ADARB2: variants seen among roughly 807,000 people sequenced by gnomAD.
ADARB2 encodes adenosine deaminase RNA specific B2 (inactive), also known as inactive double-stranded RNA-specific editase B2.
In ADARB2, 25 loss-of-function variants were observed where a neutral mutation model predicts 62.2. The ratio of observed to expected loss-of-function variants is 0.40; its 90% CI spans 0.29 to 0.56. The LOEUF is 0.56. ADARB2 is among the 20% of genes least tolerant of loss of function. ADARB2 has a pLI of 0.43. For missense variants in ADARB2, 1,071 were observed against 1,077.4 expected (o/e 0.99, Z 0.08); for synonymous variants, 572 against 500.8 (o/e 1.14, Z -1.90).
At position 1,188,616 on chromosome 10, in the gene ADARB2, C is replaced by CTTT. The variant is rs11389648; in HGVS notation, c.1865-3580_1865-3578dup. On this transcript the variant is annotated intron_variant, in intron 8 of 9. Coordinates refer to ENST00000381312, the MANE Select transcript of ADARB2 (RefSeq NM_018702.4). ...TTTTTTTTTTCTTCTACCTTCTTGTCTTTTTTTTTTTTAATAAACCTTCCA... is the reference window on the plus strand; with the variant it reads ...TTTTTTTTTTCTTCTACCTTCTTGTCTTTTTTTTTTTTTTTAATAAACCTTCCA... Among the ~76,000 whole-genome samples the CTTT allele has an allele frequency of 1.8e-3, 259 of 142,418 alleles. 1 individual carries two copies. The highest frequency in any genetic ancestry group is 5.6e-3 in the African/African-American group (215 of 38,406). 93.4% of individuals were successfully genotyped at this position (142,418 alleles called of 152,430 possible).
chr10:1,559,464 C>T (rs748230023), intron 1 of ADARB2, among the ~76,000 whole-genome samples: 11 of 152,284 alleles, frequency 7.2e-5, no homozygotes, highest in Admixed American at 2.0e-4. Flanking sequence ...CCTGTGCCCC[C>T]GAGATAGGGG....
At chr10:1,424,407 A>C (rs1832877940) in intron 1 of ADARB2, among the ~76,000 whole-genome samples, 1 of 151,916 alleles carries the variant, frequency 6.6e-6, no homozygotes, top group South Asian at 2.1e-4. Flanking sequence ...GGCTCCAAAA[A>C]CCACGCGAGA....
At chr10:1,607,065 C>T (rs895740218) in intron 1 of ADARB2, among the ~76,000 whole-genome samples, 2 of 152,186 alleles carry the variant, frequency 1.3e-5, no homozygotes, top group South Asian at 2.1e-4. Flanking sequence ...GGACAGGTAA[C>T]AATATACACG....
intron 1 of ADARB2, among the ~76,000 whole-genome samples, chr10:1,722,290 T>C (rs1490101674): frequency 6.6e-6 from 1 of 152,230 alleles, no homozygotes; most frequent in Non-Finnish European, 1.5e-5. Context: ...GATTTATTTC[T>C]GTAATCTACT....
At chr10:1,444,276 T>C (rs55698893) in intron 1 of ADARB2, among the ~76,000 whole-genome samples, 30,872 of 122,964 alleles carry the variant, frequency 0.25, 3,978 homozygotes, top group East Asian at 0.44. Flanking sequence ...TATTTCCATC[T>C]ATCTACATCC....
rs138671049 is a variant in ADARB2 at position 1,694,695 on chromosome 10, G to A, written c.100+42356C>T. 6.2e-3 allele frequency among the ~76,000 whole-genome samples: 939 copies of A among 152,278 alleles called. 3 individuals are homozygous for A. Among genetic ancestry groups the A allele is most frequent in the African/African-American group, 9.2e-3 (382 of 41,550 alleles). ...ATTTTGAAATGAAACTAAAAGTAAG[G>A]TACATTTGGACAATTAGAGAAATAG... On this transcript the variant is annotated intron_variant, in intron 1 of 9. Transcript: ENST00000381312.
intron 3 of ADARB2, among the ~76,000 whole-genome samples, chr10:1,317,949 C>T (rs553295939): frequency 6.6e-6 from 1 of 152,176 alleles, no homozygotes; most frequent in Admixed American, 6.5e-5. Context: ...TTACTCGACC[C>T]TCCCTCAATC....
chr10:1,242,387 T>C, intron 4 of ADARB2, 88 bp from the exon 5 acceptor site: 1 of 1,426,038 alleles, frequency 7.0e-7, no homozygotes. Flanking sequence ...CAACAGCGGT[T>C]TCCCTGGGTT....
intron 1 of ADARB2, among the ~76,000 whole-genome samples, chr10:1,494,564 A>G (rs943046667): frequency 2.0e-5 from 3 of 152,226 alleles, no homozygotes; most frequent in African/African-American, 7.2e-5. Flanking sequence ...AAGCCTGTTA[A>G]ATGTTATTTT....
chr10:1,186,888 T>G (rs1452892515), intron 8 of ADARB2, among the ~76,000 whole-genome samples: 1 of 152,202 alleles, frequency 6.6e-6, no homozygotes, highest in Admixed American at 6.5e-5. Flanking sequence ...CCACGTCACG[T>G]GGTAGCACAG....
chr10:1,722,134 G>A (rs954560343), intron 1 of ADARB2, among the ~76,000 whole-genome samples: 1 of 152,064 alleles, frequency 6.6e-6, no homozygotes, highest in Non-Finnish European at 1.5e-5. Flanking sequence ...CTATTTCACT[G>A]TAAACCCTTC....
chr10:1,415,251 G>C (rs11250499), intron 1 of ADARB2, among the ~76,000 whole-genome samples: 5,515 of 151,536 alleles, frequency 0.036, 343 homozygotes, highest in African/African-American at 0.13. Context: ...TGGGTACAAG[G>C]GTACATGAGT....
intron 8 of ADARB2, among the ~76,000 whole-genome samples, chr10:1,187,395 C>T (rs747301803): frequency 2.0e-5 from 3 of 152,106 alleles, no homozygotes; most frequent in African/African-American, 4.8e-5. Context: ...CCGCTCCCAT[C>T]GCCAGGCGGC....
At chr10:1,214,765 A>G (rs1241830413) in intron 7 of ADARB2, among the ~76,000 whole-genome samples, 7 of 152,254 alleles carry the variant, frequency 4.6e-5, no homozygotes, top group African/African-American at 1.7e-4. Context: ...TCATGAATAG[A>G]TGAAAACATT....
intron 1 of ADARB2, among the ~76,000 whole-genome samples, chr10:1,392,104 A>T (rs534500835): frequency 1.3e-5 from 2 of 152,248 alleles, no homozygotes; most frequent in African/African-American, 4.8e-5. Flanking sequence ...AAAAGCACTA[A>T]ATATTTCATA....
At chr10:1,334,295 C>A (rs1426300902) in intron 3 of ADARB2, among the ~76,000 whole-genome samples, 1 of 152,204 alleles carries the variant, frequency 6.6e-6, no homozygotes, top group Non-Finnish European at 1.5e-5. Context: ...TGGTCGAATA[C>A]ATTTGAAAAT....
At chr10:1,202,112 G>GT (rs55836724) in intron 7 of ADARB2, among the ~76,000 whole-genome samples, 97,939 of 150,518 alleles carry the variant, frequency 0.65, 34,621 homozygotes, top group East Asian at 0.99. Context: ...TGTTTGTTTT[G>GT]TTTTTTTTTC....
chr10:1,652,706 C>G (rs1205990877), intron 1 of ADARB2, among the ~76,000 whole-genome samples: 1 of 152,172 alleles, frequency 6.6e-6, no homozygotes, highest in Non-Finnish European at 1.5e-5. Flanking sequence ...CTGAGGCAGG[C>G]CTTCTTTGCA....
intron 3 of ADARB2, among the ~76,000 whole-genome samples, chr10:1,331,279 A>T (rs1831925313): frequency 6.6e-6 from 1 of 152,242 alleles, no homozygotes; most frequent in African/African-American, 2.4e-5. Context: ...AAAAACATAT[A>T]TCTACATAAA....
Sources: gnomAD v4.1 joint callset for allele counts (sites outside exome capture counted in the v4.1 genomes callset) on GRCh38, gnomAD v4.1.1 for gene constraint, MANE v1.5 for transcripts, NCBI Gene and HGNC (gene_info 2026-07-23, HGNC 2026-07-21) for gene names.